The following MYO1D variants were observed in gnomAD, a reference collection of about 807,000 sequenced individuals.
MYO1D encodes the protein unconventional myosin-Id.
MYO1D carries 83 observed loss-of-function variants against 122.0 expected under a neutral mutation model. The observed-to-expected ratio is 0.68, with a 90% CI of 0.57 to 0.82. MYO1D has a LOEUF of 0.82. MYO1D is among the 40% of genes least tolerant of loss of function. MYO1D has a pLI of 0.00. For synonymous variants in MYO1D, 464 were observed against 446.9 expected (o/e 1.04, Z -0.48); for missense variants, 1,157 against 1,269.5 (o/e 0.91, Z 1.35).
intron 21 of MYO1D, among the ~76,000 whole-genome samples, chr17:32,582,191 A>G (rs905246690): frequency 2.6e-5 from 4 of 152,210 alleles, no homozygotes; most frequent in African/African-American, 9.6e-5. Context: ...CTGGGATTAC[A>G]GGCATGAGCC....
At chr17:32,632,159 T>C (rs1359799282) in intron 20 of MYO1D, among the ~76,000 whole-genome samples, 1 of 152,160 alleles carries the variant, frequency 6.6e-6, no homozygotes, top group Non-Finnish European at 1.5e-5. Flanking sequence ...GAATAACACA[T>C]AACATAGATT....
intron 16 of MYO1D, among the ~76,000 whole-genome samples, chr17:32,700,655 G>C (rs572064776): frequency 1.3e-5 from 2 of 152,024 alleles, no homozygotes; most frequent in Non-Finnish European, 2.9e-5. Flanking sequence ...TTAGAAATCA[G>C]AAAATGGGCT....
At chr17:32,632,390 A>T (rs2150934269) in intron 20 of MYO1D, 1 of 152,086 alleles carries the variant, frequency 6.6e-6, no homozygotes, top group South Asian at 2.1e-4. Flanking sequence ...CAGACTTCTG[A>T]TTTTTCTAGG....
At chr17:32,734,733 T>C (rs1443332485) in intron 14 of MYO1D, 1 of 152,166 alleles carries the variant, frequency 6.6e-6, no homozygotes, top group African/African-American at 2.4e-5. Flanking sequence ...TTATTTTACT[T>C]GCTTTGAAGA....
At chr17:32,678,626 T>C (rs1235416946) in intron 16 of MYO1D, among the ~76,000 whole-genome samples, 1 of 151,426 alleles carries the variant, frequency 6.6e-6, no homozygotes, top group Non-Finnish European at 1.5e-5. Flanking sequence ...CCATGGTGTA[T>C]ATATGCCACA....
At chr17:32,857,772 C>G (rs973116146) in intron 1 of MYO1D, among the ~76,000 whole-genome samples, 1 of 152,130 alleles carries the variant, frequency 6.6e-6, no homozygotes, top group Non-Finnish European at 1.5e-5. Context: ...TCAATAAAGG[C>G]CTTCCTTAAC....
At chr17:32,651,639 T>G (rs2088390671) in intron 19 of MYO1D, among the ~76,000 whole-genome samples, 1 of 152,080 alleles carries the variant, frequency 6.6e-6, no homozygotes, top group African/African-American at 2.4e-5. Flanking sequence ...TCACACATTT[T>G]GTCCTTTTCT....
intron 7 of MYO1D, among the ~76,000 whole-genome samples, chr17:32,766,677 A>C (rs1019644678): frequency 1.3e-5 from 2 of 152,286 alleles, no homozygotes; most frequent in Non-Finnish European, 2.9e-5. Flanking sequence ...CTGTAGTCCC[A>C]GCTACTCAGG....
At chr17:32,826,369 T>C (rs754495859) in intron 1 of MYO1D, among the ~76,000 whole-genome samples, 1 of 152,214 alleles carries the variant, frequency 6.6e-6, no homozygotes, top group African/African-American at 2.4e-5. Context: ...TATGAATGAA[T>C]GAATGTTTTT....
intron 21 of MYO1D, among the ~76,000 whole-genome samples, chr17:32,526,141 A>T (rs1910332394): frequency 6.6e-6 from 1 of 151,592 alleles, no homozygotes; most frequent in Non-Finnish European, 1.5e-5. Flanking sequence ...TACTTAACAC[A>T]TTGCATTGTA....
At chr17:32,549,423 G>A (rs1299749523) in intron 21 of MYO1D, among the ~76,000 whole-genome samples, 8 of 152,196 alleles carry the variant, frequency 5.3e-5, no homozygotes, top group Admixed American at 4.6e-4. Context: ...AAATATAAAC[G>A]TTAAAGATAA....
intron 16 of MYO1D, among the ~76,000 whole-genome samples, chr17:32,679,048 A>T (rs1336670338): frequency 6.6e-6 from 1 of 151,308 alleles, no homozygotes; most frequent in Non-Finnish European, 1.5e-5. Flanking sequence ...TTGGCTGCAT[A>T]AATGTCTTCT....
chr17:32,642,745 G>T (rs1211358735), intron 19 of MYO1D, among the ~76,000 whole-genome samples: 1 of 152,164 alleles, frequency 6.6e-6, no homozygotes, highest in Non-Finnish European at 1.5e-5. Context: ...TGGTGTATAA[G>T]AATGCTTGAG....
At chr17:32,607,386 A>G (rs2087641846) in intron 20 of MYO1D, among the ~76,000 whole-genome samples, 1 of 152,204 alleles carries the variant, frequency 6.6e-6, no homozygotes, top group South Asian at 2.1e-4. Context: ...AAAACCATCT[A>G]TAACAACTCC....
chr17:32,867,815 A>G (rs2151091547), intron 1 of MYO1D, among the ~76,000 whole-genome samples: 1 of 150,738 alleles, frequency 6.6e-6, no homozygotes, highest in East Asian at 1.9e-4. Flanking sequence ...AAAAAAAAAA[A>G]AAAAAAAAGA....
intron 1 of MYO1D, among the ~76,000 whole-genome samples, chr17:32,784,549 T>C (rs1364802568): frequency 6.6e-6 from 1 of 152,194 alleles, no homozygotes; most frequent in Non-Finnish European, 1.5e-5. Flanking sequence ...AAGGGACATA[T>C]ATTTTCACTG....
intron 21 of MYO1D, chr17:32,498,328 C>T (rs1416627161): frequency 2.6e-5 from 4 of 152,298 alleles, no homozygotes; most frequent in African/African-American, 9.6e-5. Context: ...TCTAAGCCCA[C>T]GTGAGATCTC....
intron 1 of MYO1D, among the ~76,000 whole-genome samples, chr17:32,832,513 T>G (rs1233210397): frequency 1.3e-5 from 2 of 152,114 alleles, no homozygotes; most frequent in African/African-American, 4.8e-5. Context: ...TTAGCCAGGA[T>G]GGTCTCGATC....
chr17:32,868,050 T>C (rs532417057), intron 1 of MYO1D, among the ~76,000 whole-genome samples: 65 of 152,080 alleles, frequency 4.3e-4, no homozygotes, highest in Non-Finnish European at 7.6e-4. Context: ...AATATGAATA[T>C]ATTTCATTTT....
Sources: allele counts gnomAD v4.1 joint callset (sites outside exome capture counted in the v4.1 genomes callset), GRCh38; gene constraint gnomAD v4.1.1; transcripts MANE v1.5; gene names NCBI Gene and HGNC (gene_info 2026-07-23, HGNC 2026-07-21).